Variants in UBA1 observed in about 807,000 individuals in gnomAD.
The protein encoded by UBA1 is ubiquitin-like modifier-activating enzyme 1.
A neutral mutation model predicts 84.7 loss-of-function variants in UBA1; 4 were observed. The observed-to-expected ratio is 0.05, with a 90% CI of 0.02 to 0.11. The LOEUF is 0.11. UBA1 is among the 10% of genes least tolerant of loss of function. The pLI is 1.00. For synonymous variants in UBA1, 364 were observed against 362.6 expected, an observed-to-expected ratio of 1.00 and a Z score of -0.04; for missense variants, 513 against 902.8, an observed-to-expected ratio of 0.57 and a Z score of 5.53.
chrX:47,203,104 C>T (rs781981528), intron 12 of UBA1, 30 bp from the exon 13 acceptor site: 2 of 1,209,148 alleles, frequency 1.7e-6, no homozygotes, highest in African/African-American at 1.7e-5. Context: ...GGGGAGGCCT[C>T]TCTAACCCTC....
At position 47,209,977 on chromosome X, in the gene UBA1, T is replaced by C. The variant is rs781839671; in HGVS notation, c.2053T>C (p.Leu685=). The change falls in exon 18 of 26, where the codon TTG becomes CTG. Residue 685 remains leucine, a synonymous_variant. Coordinates refer to ENST00000335972, the MANE Select transcript of UBA1 (RefSeq NM_003334.4). ...ACTGCGGCTGGCAGGCACTCAGCCC[T>C]TGGAGGTGCTGGAGGCTGTGCAGCG... ...RTLRLAGTQP[L]EVLEAVQRSL... The C allele has an allele frequency of 2.0e-5, 24 of 1,210,781 alleles. No individual in the cohort carries two copies.
At position 47,214,650 on chromosome X, in the gene UBA1, C is replaced by T; in HGVS notation, c.3041+13C>T. On this transcript the variant is annotated intron_variant, in intron 25 of 25. Transcript: ENST00000335972. Reference sequence around the variant, plus strand: ...GGTTGGATCAGCCGTGAGTTGGACACTGGCCAGGCTAGGGGAGGCCCTGTA... The same window carrying T: ...GGTTGGATCAGCCGTGAGTTGGACATTGGCCAGGCTAGGGGAGGCCCTGTA... The T allele has an allele frequency of 1.7e-6, 2 of 1,203,582 alleles. No homozygotes were observed.
chrX:47,210,819 TC>T, intron 18 of UBA1, 22 bp from the exon 19 acceptor site: 1 of 1,206,605 alleles, frequency 8.3e-7, no homozygotes, highest in Non-Finnish European at 1.1e-6. Flanking sequence ...GGTCCTGTTC[TC>T]AAAAATCTCT....
intron 20 of UBA1, 70 bp from the exon 21 acceptor site, chrX:47,212,354 G>A (rs1245566183): frequency 1.2e-6 from 1 of 806,368 alleles, no homozygotes; most frequent in African/African-American, 2.0e-5. Context: ...GCCCCACCCT[G>A]GGCTCTCATT....
intron 16 of UBA1, among the ~76,000 whole-genome samples, chrX:47,208,324 CGTG>C (rs1936769269): frequency 1.9e-5 from 2 of 107,237 alleles, no homozygotes; most frequent in African/African-American, 6.8e-5. Flanking sequence ...AGTGTGTGTA[CGTG>C]TGTGTGTGTG....
At chrX:47,199,720 G>C in intron 5 of UBA1, 106 bp downstream of exon 5, 1 of 995,406 alleles carries the variant, frequency 1.0e-6, no homozygotes, top group South Asian at 1.9e-5. Flanking sequence ...CTGAATGTCA[G>C]GTTTTGTGCT....
intron 20 of UBA1, among the ~76,000 whole-genome samples, chrX:47,211,727 C>CT (rs1471247595): frequency 7.5e-5 from 8 of 106,157 alleles, no homozygotes; most frequent in Non-Finnish European, 1.4e-4. Context: ...GTATATGATG[C>CT]TTCTGTAGCT....
intron 16 of UBA1, 90 bp from the exon 17 acceptor site, chrX:47,209,533 G>T (rs1202623715): frequency 3.5e-6 from 3 of 866,001 alleles, no homozygotes; most frequent in Non-Finnish European, 5.1e-6. Context: ...CCTTGTACTT[G>T]CTTTATTCAC....
chrX:47,199,637 C>T (rs782274154), intron 5 of UBA1, 23 bp downstream of exon 5: 2 of 1,208,934 alleles, frequency 1.7e-6, no homozygotes, highest in South Asian at 3.5e-5. Context: ...TACTACCCAG[C>T]CTTCTGCCCA....
At position 47,201,286 on chromosome X, in the gene UBA1, T is replaced by G. The variant is rs200692291; in HGVS notation, c.598T>G (p.Cys200Gly). Residue 200 changes from cysteine to glycine, a missense_variant, in exon 7 of 26, where the codon TGT becomes GGT. By Grantham distance (159) the Cys-to-Gly change is radical. Around this residue, in one of 6 missense-constraint regions of UBA1, gnomAD observed 227 missense variants for 339.1 expected, o/e 0.67. Transcript: ENST00000335972. ...DTRGLFGQLF[C>G]DFGEEMILTD... is the part of the protein sequence containing the mutation. ...TGCTTCCCTCTACAGGCAGCTCTTC[T>G]GTGACTTTGGAGAGGAAATGATCCT... The G allele has an allele frequency of 2.4e-5, 29 of 1,206,574 alleles. No individual in the cohort carries two copies. Among genetic ancestry groups the G allele is most frequent in the Non-Finnish European group, 2.9e-5 (26 of 893,145 alleles).
Position 47,214,992 on chromosome X carries a change from G to T in UBA1, c.*63G>T. The T allele has an allele frequency of 2.5e-6, 3 of 1,197,534 alleles. No individual in the cohort carries two copies. The highest frequency in any genetic ancestry group is 3.4e-6 in the Non-Finnish European group (3 of 892,521). On this transcript the variant is annotated 3_prime_UTR_variant, in exon 26 of 26. Transcript: ENST00000335972. ...CTCTCCACACCCCTTCCAGCCCAGG[G>T]TTCCCATTTGGCTTCTGGCAGTGGC...
chrX:47,212,736 C>T (rs1359320345), intron 21 of UBA1, 35 bp from the exon 22 acceptor site: 1 of 1,143,751 alleles, frequency 8.7e-7, no homozygotes, highest in Non-Finnish European at 1.2e-6. Context: ...CTGATCCTCT[C>T]CCCACTGCCT....
chrX:47,204,746 C>G (rs1313836318), intron 14 of UBA1, among the ~76,000 whole-genome samples: 1 of 111,603 alleles, frequency 9.0e-6, no homozygotes, highest in Non-Finnish European at 1.9e-5. Context: ...GCTTACACTT[C>G]TCTGCACATA....
intron 14 of UBA1, 95 bp from the exon 15 acceptor site, chrX:47,205,853 C>T (rs1569212867): frequency 9.7e-7 from 1 of 1,032,209 alleles, no homozygotes; most frequent in Non-Finnish European, 1.3e-6. Flanking sequence ...GACCCTGTCT[C>T]AAAAAAAATA....
intron 1 of UBA1, chrX:47,197,507 A>G (rs1936245708): frequency 1.3e-6 from 1 of 754,379 alleles, no homozygotes; most frequent in African/African-American, 2.3e-5. Flanking sequence ...ACTTGTGTGA[A>G]CAGAAGACTC....
rs782424942 is a variant in UBA1 at position 47,213,043 on chromosome X, C to T, written c.2700C>T (p.Ala900=). ...IIPAIATTTA[A]VVGLVCLELY... is the part of the protein sequence containing the mutation. ...CAGCCATTGCCACGACCACAGCAGC[C>T]GTGGTTGGCCTTGTGTGTCTGGAGC... Residue 900 remains alanine, a synonymous_variant, in exon 23 of 26, where the codon GCC becomes GCT. Coordinates refer to ENST00000335972, the MANE Select transcript of UBA1 (RefSeq NM_003334.4). 5 of 1,210,440 alleles carry T rather than the reference C, an allele frequency of 4.1e-6. No homozygotes were observed. The African/African-American group carries it at 5.2e-5, about 13-fold the overall frequency.
intron 10 of UBA1, 47 bp from the exon 11 acceptor site, chrX:47,202,591 T>C (rs782730486): frequency 5.8e-6 from 7 of 1,209,193 alleles, no homozygotes; most frequent in Non-Finnish European, 7.8e-6. Context: ...CTCCCTGCCC[T>C]CACTGTGGCC....
intron 1 of UBA1, 53 bp from the exon 2 acceptor site, chrX:47,198,749 AG>A: frequency 8.8e-7 from 1 of 1,131,841 alleles, no homozygotes; most frequent in Non-Finnish European, 1.2e-6. Context: ...ACTAACAAAC[AG>A]AAAAACGGTA....
chrX:47,203,111 C>G, intron 12 of UBA1, 23 bp from the exon 13 acceptor site: 1 of 1,209,658 alleles, frequency 8.3e-7, no homozygotes, highest in Non-Finnish European at 1.1e-6. Flanking sequence ...CCTCTCTAAC[C>G]CTCCTCCCTT....
Sources: allele counts gnomAD v4.1 joint callset (sites outside exome capture counted in the v4.1 genomes callset), GRCh38; gene constraint gnomAD v4.1.1; regional missense constraint gnomAD v4.1.1; transcripts MANE v1.5; gene names NCBI Gene and HGNC (gene_info 2026-07-23, HGNC 2026-07-21).